The following ADAMTS18 variants were observed in gnomAD, a reference collection of about 807,000 sequenced individuals.
The protein encoded by ADAMTS18 is ADAM metallopeptidase with thrombospondin type 1 motif 18, also known as A disintegrin and metalloproteinase with thrombospondin motifs 18.
A neutral mutation model predicts 165.9 loss-of-function variants in ADAMTS18; 157 were observed. That is an observed-to-expected ratio of 0.95 (90% CI 0.83 to 1.08). ADAMTS18 has a LOEUF of 1.08. Among genes scored for constraint, ADAMTS18 ranks in the 50% least tolerant of loss-of-function variants. The pLI is 0.00. For synonymous variants in ADAMTS18, 782 were observed against 578.2 expected, an observed-to-expected ratio of 1.35 and a Z score of -5.06; for missense variants, 2,040 against 1,534.0, an observed-to-expected ratio of 1.33 and a Z score of -5.51.
intron 3 of ADAMTS18, chr16:77,378,849 G>C (rs930052607): frequency 6.6e-6 from 1 of 152,160 alleles, no homozygotes; most frequent in Non-Finnish European, 1.5e-5. Context: ...CAAGAAGTCT[G>C]GCCTTTTTCT....
chr16:77,410,620 T>TA (rs1230476235), intron 3 of ADAMTS18, among the ~76,000 whole-genome samples: 1 of 152,198 alleles, frequency 6.6e-6, no homozygotes, highest in East Asian at 1.9e-4. Flanking sequence ...GTCCTGGGAC[T>TA]AAAACCAAGT....
intron 10 of ADAMTS18, 40 bp downstream of exon 10, chr16:77,353,693 C>T: frequency 6.2e-7 from 1 of 1,613,900 alleles, no homozygotes; most frequent in Non-Finnish European, 8.5e-7. Context: ...AGACACATTG[C>T]AGAGTCTTAA....
chr16:77,336,034 T>C (rs1234615713), intron 11 of ADAMTS18, 130 bp from the exon 12 acceptor site: 1 of 1,091,490 alleles, frequency 9.2e-7, no homozygotes, highest in Non-Finnish European at 1.4e-6. Flanking sequence ...GATACCTTGA[T>C]AAATTCCTCT....
intron 3 of ADAMTS18, among the ~76,000 whole-genome samples, chr16:77,416,157 T>C (rs567257863): frequency 6.6e-6 from 1 of 152,196 alleles, no homozygotes; most frequent in Non-Finnish European, 1.5e-5. Context: ...AGTATTTGCA[T>C]AGGGAACTGA....
intron 3 of ADAMTS18, among the ~76,000 whole-genome samples, chr16:77,410,331 T>G (rs2057445744): frequency 6.6e-6 from 1 of 152,100 alleles, no homozygotes; most frequent in Admixed American, 6.5e-5. Context: ...TCAAAAATGT[T>G]TAAATGTATG....
intron 11 of ADAMTS18, among the ~76,000 whole-genome samples, chr16:77,339,803 G>A (rs1287171623): frequency 6.6e-6 from 1 of 151,238 alleles, no homozygotes; most frequent in African/African-American, 2.4e-5. Context: ...ATTAAAAATT[G>A]CACATAACTC....
intron 19 of ADAMTS18, among the ~76,000 whole-genome samples, chr16:77,293,919 G>A (rs1173542579): frequency 6.6e-6 from 1 of 151,778 alleles, no homozygotes; most frequent in East Asian, 1.9e-4. Context: ...ACCACAAACA[G>A]GTACTTGTTC....
rs1381385526 is a variant in ADAMTS18, at chr16:77,363,891, G to C, written c.973-6C>G. ...TCTTTAAATAGGCCAGAAACCTGTT[G>C]GAACAATGGAAATCAAACAAAATCT... On this transcript the variant is annotated splice_region_variant and splice_polypyrimidine_tract_variant and intron_variant, in intron 5 of 22. Transcript: ENST00000282849. The C allele has an allele frequency of 6.2e-7, 1 of 1,613,378 alleles. No individual in the cohort carries two copies. The highest frequency in any genetic ancestry group is 1.3e-5 in the African/African-American group (1 of 74,850).
At chr16:77,374,803 T>A (rs371250985) in intron 3 of ADAMTS18, among the ~76,000 whole-genome samples, 1 of 152,162 alleles carries the variant, frequency 6.6e-6, no homozygotes, top group Non-Finnish European at 1.5e-5. Context: ...ACAAACACTT[T>A]GTCTCACATA....
intron 18 of ADAMTS18, among the ~76,000 whole-genome samples, chr16:77,296,258 G>A (rs974603807): frequency 2.8e-4 from 42 of 152,112 alleles, no homozygotes; most frequent in African/African-American, 9.7e-4. Context: ...AAACAATAGT[G>A]TGGCTAAAGT....
At chr16:77,319,756 G>C in intron 16 of ADAMTS18, 93 bp downstream of exon 16, 4 of 1,597,850 alleles carry the variant, frequency 2.5e-6, no homozygotes, top group Non-Finnish European at 3.4e-6. Flanking sequence ...AAACACCTTT[G>C]AACTAGAAGG....
intron 8 of ADAMTS18, among the ~76,000 whole-genome samples, chr16:77,358,153 C>T (rs1031045900): frequency 6.6e-6 from 1 of 152,056 alleles, no homozygotes; most frequent in Non-Finnish European, 1.5e-5. Context: ...TTATTCATAT[C>T]TAGGAAAGTG....
intron 3 of ADAMTS18, among the ~76,000 whole-genome samples, chr16:77,419,848 A>C (rs1229580300): frequency 6.6e-6 from 1 of 151,568 alleles, no homozygotes; most frequent in Non-Finnish European, 1.5e-5. Flanking sequence ...AAAATAGAAA[A>C]AATTAGCTGG....
At chr16:77,412,183 C>T (rs2144830736) in intron 3 of ADAMTS18, among the ~76,000 whole-genome samples, 1 of 152,274 alleles carries the variant, frequency 6.6e-6, no homozygotes, top group East Asian at 1.9e-4. Flanking sequence ...ATCCCTCTGT[C>T]TCTGAGCTGG....
At chr16:77,410,459 A>G (rs1479106627) in intron 3 of ADAMTS18, among the ~76,000 whole-genome samples, 1 of 152,140 alleles carries the variant, frequency 6.6e-6, no homozygotes, top group Non-Finnish European at 1.5e-5. Flanking sequence ...GGGCCTAGGA[A>G]TCTGAATTTT....
chr16:77,379,151 T>C (rs900121061), intron 3 of ADAMTS18, among the ~76,000 whole-genome samples: 36 of 152,292 alleles, frequency 2.4e-4, no homozygotes, highest in African/African-American at 8.2e-4. Flanking sequence ...AAGTGACCAA[T>C]GGCAAGGAAA....
At chr16:77,410,151 T>C (rs2057442627) in intron 3 of ADAMTS18, among the ~76,000 whole-genome samples, 1 of 152,190 alleles carries the variant, frequency 6.6e-6, no homozygotes, top group African/African-American at 2.4e-5. Context: ...GTTTTACGAA[T>C]ACCCATTCTT....
At chr16:77,344,104 G>T in intron 10 of ADAMTS18, among the ~76,000 whole-genome samples, 1 of 145,954 alleles carries the variant, frequency 6.9e-6, no homozygotes, top group Non-Finnish European at 1.5e-5. Context: ...AGGGAAACCA[G>T]ATGTATATAT....
intron 3 of ADAMTS18, among the ~76,000 whole-genome samples, chr16:77,377,668 G>A (rs978724150): frequency 1.3e-5 from 2 of 152,028 alleles, no homozygotes; most frequent in Non-Finnish European, 2.9e-5. Flanking sequence ...ACATATTTGT[G>A]GTCATCAATA....
Sources: allele counts gnomAD v4.1 joint callset (sites outside exome capture counted in the v4.1 genomes callset), GRCh38; gene constraint gnomAD v4.1.1; transcripts MANE v1.5; gene names NCBI Gene and HGNC (gene_info 2026-07-23, HGNC 2026-07-21).